Variants in PRRC2B observed in about 807,000 individuals in gnomAD.
The protein encoded by PRRC2B is proline rich coiled-coil 2B, also known as protein PRRC2B.
A neutral mutation model predicts 242.3 loss-of-function variants in PRRC2B; 68 were observed. The observed-to-expected ratio is 0.28, with a 90% CI of 0.23 to 0.34. The LOEUF (loss-of-function observed/expected upper bound fraction) is 0.34, where lower values mean the gene tolerates loss of function less well. Among genes scored for constraint, PRRC2B ranks in the 10% least tolerant of loss-of-function variants. The probability of loss-of-function intolerance (pLI) is 1.00; values close to 1 mark genes in which losing one functional copy is unlikely to be tolerated. For synonymous variants in PRRC2B, 1,228 were observed against 1,173.6 expected (o/e 1.05, Z -0.95); for missense variants, 2,835 against 2,954.8 (o/e 0.96, Z 0.94).
At chr9:131,436,247 C>T (rs1030133367) in intron 3 of PRRC2B, among the ~76,000 whole-genome samples, 7 of 152,148 alleles carry the variant, frequency 4.6e-5, no homozygotes, top group African/African-American at 1.7e-4. Flanking sequence ...AGCCTGTAGT[C>T]CCACCTACTC....
At chr9:131,459,781 C>T (rs1019465067) in intron 11 of PRRC2B, among the ~76,000 whole-genome samples, 5 of 152,006 alleles carry the variant, frequency 3.3e-5, no homozygotes, top group Non-Finnish European at 7.4e-5. Flanking sequence ...TCAAGGGATC[C>T]TCCTACCTCA....
chr9:131,447,483 G>A (rs990504813), intron 8 of PRRC2B, among the ~76,000 whole-genome samples, 179 bp from the exon 9 acceptor site: 2 of 152,136 alleles, frequency 1.3e-5, no homozygotes, highest in East Asian at 1.9e-4. Flanking sequence ...TGCAGGACAA[G>A]GCAGAACTTC....
At chr9:131,478,856 A>G (rs545535616) in intron 18 of PRRC2B, among the ~76,000 whole-genome samples, 1 of 152,302 alleles carries the variant, frequency 6.6e-6, no homozygotes, top group African/African-American at 2.4e-5. Flanking sequence ...CGAGTCTTGA[A>G]GAGGGTGACT....
chr9:131,492,818 C>T (rs924124175), intron 30 of PRRC2B, among the ~76,000 whole-genome samples: 1 of 152,220 alleles, frequency 6.6e-6, no homozygotes, highest in Non-Finnish European at 1.5e-5. Flanking sequence ...TCAGGTGGCT[C>T]TGTCGGATGT....
chr9:131,491,326 A>G, intron 28 of PRRC2B, 99 bp from the exon 29 acceptor site: 1 of 1,171,182 alleles, frequency 8.5e-7, no homozygotes, highest in South Asian at 1.7e-5. Flanking sequence ...GTTCTTCTGA[A>G]GTGTATGAAT....
At chr9:131,467,230 C>T (rs541758114) in intron 12 of PRRC2B, among the ~76,000 whole-genome samples, 4 of 152,206 alleles carry the variant, frequency 2.6e-5, no homozygotes, top group South Asian at 4.1e-4. Flanking sequence ...CCACTGCACC[C>T]GGCCTTATTA....
Position 131,406,341 on chromosome 9 carries a change from G to A in PRRC2B, c.-52+12078G>A, listed in dbSNP as rs144079739. Among the ~76,000 whole-genome samples, 37 of 152,278 alleles carry A rather than the reference G, an allele frequency of 2.4e-4. No homozygotes were observed. In the East Asian group the frequency reaches 6.6e-3, roughly 27 times the overall value. On this transcript the variant is annotated intron_variant, in intron 1 of 31. Coordinates refer to ENST00000683519, the MANE Select transcript of PRRC2B (RefSeq NM_013318.4). The stretch of plus-strand genomic sequence containing the variant: ...CACCACTGCGGATGTCTGTTCCCAC[G>A]AGCAAGGGCGTTTGATAGCTGGCAG...
chr9:131,427,171 G>GTC (rs1837998847), intron 1 of PRRC2B, among the ~76,000 whole-genome samples: 1 of 152,220 alleles, frequency 6.6e-6, no homozygotes, highest in Non-Finnish European at 1.5e-5. Context: ...CAGATCTTAG[G>GTC]TATCAGTCAA....
intron 1 of PRRC2B, among the ~76,000 whole-genome samples, chr9:131,398,155 A>C: frequency 6.6e-6 from 1 of 152,222 alleles, no homozygotes; most frequent in East Asian, 1.9e-4. Flanking sequence ...TGCCATTCAG[A>C]CTGGACCTCC....
chr9:131,381,172 G>A (rs1250321012), intron 1 of PRRC2B, among the ~76,000 whole-genome samples: 2 of 152,048 alleles, frequency 1.3e-5, no homozygotes, highest in Non-Finnish European at 2.9e-5. Context: ...GTGTCTTCCT[G>A]GGTCTCCATG....
intron 14 of PRRC2B, 47 bp downstream of exon 14, chr9:131,471,030 C>T (rs369496604): frequency 4.3e-5 from 61 of 1,433,872 alleles, no homozygotes; most frequent in Middle Eastern, 1.8e-4. Context: ...CCCAGGATAG[C>T]GTGGTGGTCA....
intron 1 of PRRC2B, among the ~76,000 whole-genome samples, chr9:131,396,641 CTTA>C (rs1170581179): frequency 1.3e-5 from 2 of 152,156 alleles, no homozygotes; most frequent in Admixed American, 6.6e-5. Context: ...TCTCTTAATG[CTTA>C]TTTTTTCCTC....
At chr9:131,490,836 C>T (rs184345295) in intron 28 of PRRC2B, 86 of 309,326 alleles carry the variant, frequency 2.8e-4, no homozygotes, top group Non-Finnish European at 4.8e-4. Context: ...CAGCTTTCAT[C>T]TTTTGGGACT....
At chr9:131,421,109 G>A (rs927651366) in intron 1 of PRRC2B, among the ~76,000 whole-genome samples, 3 of 152,324 alleles carry the variant, frequency 2.0e-5, no homozygotes, top group African/African-American at 2.4e-5. Flanking sequence ...AGCAATTGCA[G>A]CAGAGAGCTC....
intron 1 of PRRC2B, among the ~76,000 whole-genome samples, chr9:131,375,695 G>A (rs1836674625): frequency 6.6e-6 from 1 of 152,048 alleles, no homozygotes; most frequent in Non-Finnish European, 1.5e-5. Flanking sequence ...TAAACTTTCT[G>A]AGACTCAGTT....
intron 5 of PRRC2B, among the ~76,000 whole-genome samples, chr9:131,441,253 A>G (rs1259834582): frequency 6.6e-6 from 1 of 152,192 alleles, no homozygotes; most frequent in Non-Finnish European, 1.5e-5. Flanking sequence ...TTTTTGAGGG[A>G]GTCAGAAGGG....
chr9:131,492,220 G>A lies in PRRC2B; in HGVS notation c.6433G>A (p.Val2145Ile), dbSNP rs763612478. Residue 2145 changes from valine to isoleucine, a missense_variant, in exon 30 of 32, where the codon GTC becomes ATC. Transcript: ENST00000683519. ...GFHFADSKQN[V>I]PSGGPVPSPQ... The stretch of plus-strand genomic sequence containing the variant: ...CCACTTTGCCGACAGTAAACAGAAT[G>A]TCCCTTCAGGAGGCCCCGTGCCATC... 2.0e-5 allele frequency: 32 copies of A among 1,613,780 alleles called. No homozygotes were observed. The highest frequency in any genetic ancestry group is 2.7e-5 in the Non-Finnish European group (32 of 1,179,870).
intron 9 of PRRC2B, among the ~76,000 whole-genome samples, chr9:131,453,734 T>C (rs773447321): frequency 2.0e-5 from 3 of 152,334 alleles, no homozygotes; most frequent in Admixed American, 6.5e-5. Context: ...GGTTTCGCCA[T>C]GTTGCCCAGG....
chr9:131,416,383 A>C (rs893105877), intron 1 of PRRC2B, among the ~76,000 whole-genome samples: 10 of 152,120 alleles, frequency 6.6e-5, no homozygotes, highest in African/African-American at 2.4e-4. Flanking sequence ...TGGGATTAAC[A>C]GGTGTGAGCC....
Sources: gnomAD v4.1 joint callset for allele counts (sites outside exome capture counted in the v4.1 genomes callset) on GRCh38, gnomAD v4.1.1 for gene constraint, MANE v1.5 for transcripts, NCBI Gene and HGNC (gene_info 2026-07-23, HGNC 2026-07-21) for gene names.